NLGN1: variants seen among roughly 807,000 people sequenced by gnomAD.
The protein encoded by NLGN1 is neuroligin-1.
Under a neutral mutation model 65.5 loss-of-function variants are expected in NLGN1, and 12 were observed. That is an observed-to-expected ratio of 0.18 (90% CI 0.12 to 0.30). The LOEUF is 0.30. Ranked by LOEUF, NLGN1 falls within the 10% of genes least tolerant of loss-of-function variation. The pLI, the probability that NLGN1 is intolerant of heterozygous loss-of-function variation, is 1.00. For synonymous variants in NLGN1, 350 were observed against 359.5 expected (o/e 0.97, Z 0.30); for missense variants, 750 against 1,007.1 (o/e 0.74, Z 3.46).
chr3:174,094,120 CAA>C (rs1745021552), intron 4 of NLGN1, among the ~76,000 whole-genome samples: 1 of 152,062 alleles, frequency 6.6e-6, no homozygotes, highest in Admixed American at 6.6e-5. Flanking sequence ...TGAGGCTAAC[CAA>C]AAACTAGTGG....
intron 3 of NLGN1, among the ~76,000 whole-genome samples, chr3:173,643,916 A>C (rs1434668465): frequency 1.3e-5 from 2 of 152,126 alleles, no homozygotes; most frequent in Admixed American, 6.5e-5. Context: ...TAATTATAAA[A>C]ACATACATCA....
intron 2 of NLGN1, among the ~76,000 whole-genome samples, chr3:173,551,830 G>C (rs774558712): frequency 2.0e-5 from 3 of 152,102 alleles, no homozygotes; most frequent in Admixed American, 2.0e-4. Context: ...GGTAACTATT[G>C]TACCTACTTC....
intron 2 of NLGN1, among the ~76,000 whole-genome samples, chr3:173,566,646 A>C (rs1743723425): frequency 6.6e-6 from 1 of 152,130 alleles, no homozygotes; most frequent in Non-Finnish European, 1.5e-5. Context: ...CTCACCCTGC[A>C]AACAATTAAA....
At chr3:173,634,645 T>G (rs1756288848) in intron 3 of NLGN1, among the ~76,000 whole-genome samples, 2 of 152,218 alleles carry the variant, frequency 1.3e-5, no homozygotes. Flanking sequence ...TGAAAATGTA[T>G]TTTTAAATGC....
chr3:173,657,659 T>A (rs2149676415), intron 3 of NLGN1, among the ~76,000 whole-genome samples: 1 of 152,014 alleles, frequency 6.6e-6, no homozygotes, highest in East Asian at 1.9e-4. Context: ...TTTTAAAATG[T>A]GATGCATATA....
At chr3:173,663,502 A>G (rs898773236) in intron 3 of NLGN1, among the ~76,000 whole-genome samples, 2 of 152,050 alleles carry the variant, frequency 1.3e-5, no homozygotes, top group African/African-American at 4.8e-5. Flanking sequence ...AACACATTTT[A>G]TGCTGTAAAA....
At chr3:173,572,503 A>G (rs979689146) in intron 2 of NLGN1, among the ~76,000 whole-genome samples, 1 of 152,224 alleles carries the variant, frequency 6.6e-6, no homozygotes, top group Non-Finnish European at 1.5e-5. Flanking sequence ...AGAATTTCCA[A>G]TATTGCTTGC....
At chr3:174,253,894 C>G (rs912115142) in intron 4 of NLGN1, among the ~76,000 whole-genome samples, 2 of 152,134 alleles carry the variant, frequency 1.3e-5, no homozygotes, top group African/African-American at 4.8e-5. Flanking sequence ...TAATTTTCTC[C>G]TTGGTGAGCC....
At chr3:173,448,558 A>G (rs1310424032) in intron 2 of NLGN1, among the ~76,000 whole-genome samples, 1 of 152,218 alleles carries the variant, frequency 6.6e-6, no homozygotes, top group Admixed American at 6.5e-5. Context: ...CTTTGGTATC[A>G]GGATGATGCT....
At chr3:174,269,162 TTTA>T (rs929835715) in intron 4 of NLGN1, among the ~76,000 whole-genome samples, 3 of 151,862 alleles carry the variant, frequency 2.0e-5, no homozygotes, top group African/African-American at 4.8e-5. Flanking sequence ...GGAGAATTTT[TTTA>T]TTATTATAGT....
chr3:173,897,136 A>G (rs1015536724), intron 4 of NLGN1, among the ~76,000 whole-genome samples: 1 of 152,058 alleles, frequency 6.6e-6, no homozygotes, highest in Admixed American at 6.6e-5. Flanking sequence ...TATTCCACTG[A>G]TCCCATGATT....
At chr3:173,535,781 A>G (rs1166132489) in intron 2 of NLGN1, among the ~76,000 whole-genome samples, 1 of 152,188 alleles carries the variant, frequency 6.6e-6, no homozygotes, top group Admixed American at 6.5e-5. Flanking sequence ...TCTGTTGTCA[A>G]AATAAGTAGG....
chr3:173,916,802 C>T (rs1740826438), intron 4 of NLGN1, among the ~76,000 whole-genome samples: 2 of 152,106 alleles, frequency 1.3e-5, no homozygotes, highest in Non-Finnish European at 2.9e-5. Context: ...TTGAGTCTTG[C>T]TGAATACTGA....
intron 4 of NLGN1, among the ~76,000 whole-genome samples, chr3:174,061,204 G>C (rs927925754): frequency 6.6e-6 from 1 of 152,056 alleles, no homozygotes; most frequent in Non-Finnish European, 1.5e-5. Context: ...AAAGTTGGGA[G>C]CCAATGAGGT....
intron 2 of NLGN1, among the ~76,000 whole-genome samples, chr3:173,529,966 C>CTTTTTTTTTTTT (rs930436367): frequency 9.6e-5 from 14 of 146,268 alleles, no homozygotes; most frequent in African/African-American, 2.6e-4. Context: ...CTTTCTTTTC[C>CTTTTTTTTTTTT]TTTTTTTTTT....
rs1017917629 is a variant in NLGN1, at chr3:173,837,612, A to C, written c.646+29780A>C. On this transcript the variant is annotated intron_variant, in intron 4 of 6. Transcript: ENST00000457714. ...AATCTTAGCAGGGAAAAATAAAACC[A>C]GGGAACTGAGCATTCCAATCCTAAT... 4.6e-5 allele frequency among the ~76,000 whole-genome samples: 7 copies of C among 152,202 alleles called. No individual in the cohort carries two copies. In the South Asian group the frequency reaches 1.0e-3, roughly 22 times the overall value.
chr3:174,089,438 A>T (rs1436353069), intron 4 of NLGN1, among the ~76,000 whole-genome samples: 4 of 152,110 alleles, frequency 2.6e-5, no homozygotes, highest in Non-Finnish European at 5.9e-5. Flanking sequence ...AGGACATAAA[A>T]CCTAGAGTCC....
intron 4 of NLGN1, among the ~76,000 whole-genome samples, chr3:173,947,404 T>C (rs927787955): frequency 6.6e-6 from 1 of 152,198 alleles, no homozygotes; most frequent in Non-Finnish European, 1.5e-5. Flanking sequence ...TAGTACTTAC[T>C]GTATGCCAGG....
intron 4 of NLGN1, among the ~76,000 whole-genome samples, chr3:174,094,769 A>AG (rs1553932378): frequency 1.8e-4 from 27 of 146,072 alleles, no homozygotes; most frequent in African/African-American, 6.7e-4. Context: ...AAAAAAAAAA[A>AG]GTCAAGCATA....
Sources: allele counts gnomAD v4.1 joint callset (sites outside exome capture counted in the v4.1 genomes callset), GRCh38; gene constraint gnomAD v4.1.1; transcripts MANE v1.5; gene names NCBI Gene and HGNC (gene_info 2026-07-23, HGNC 2026-07-21).